Variants in SAMD3 observed in about 807,000 individuals in gnomAD.
SAMD3 encodes the protein sterile alpha motif domain-containing protein 3.
SAMD3 carries 63 observed loss-of-function variants against 58.5 expected under a neutral mutation model. That is an observed-to-expected ratio of 1.08 (90% CI 0.88 to 1.33). The LOEUF is 1.33. Among genes scored for constraint, SAMD3 ranks in the 40% most tolerant of loss-of-function variants. The probability of loss-of-function intolerance (pLI) is 0.00; values close to 1 mark genes in which losing one functional copy is unlikely to be tolerated. For missense variants in SAMD3, 604 were observed against 608.4 expected, an observed-to-expected ratio of 0.99 and a Z score of 0.08; for synonymous variants, 220 against 210.3, an observed-to-expected ratio of 1.05 and a Z score of -0.40.
At chr6:130,338,445 T>A (rs898277266) in intron 1 of SAMD3, among the ~76,000 whole-genome samples, 4 of 152,150 alleles carry the variant, frequency 2.6e-5, no homozygotes, top group Non-Finnish European at 5.9e-5. Flanking sequence ...CACTGCCTAG[T>A]GGAGCTGTGA....
intron 2 of SAMD3, among the ~76,000 whole-genome samples, chr6:130,236,940 T>A (rs928106682): frequency 6.6e-6 from 1 of 152,186 alleles, no homozygotes; most frequent in African/African-American, 2.4e-5. Flanking sequence ...GATTCAGCCA[T>A]TTGCATTTCA....
At chr6:130,187,110 T>G (rs1190569088) in intron 5 of SAMD3, among the ~76,000 whole-genome samples, 1 of 152,084 alleles carries the variant, frequency 6.6e-6, no homozygotes, top group Non-Finnish European at 1.5e-5. Context: ...TTGGCAGGTG[T>G]TAAGCTGGTT....
At chr6:130,146,218 CAAGAA>C (rs1378493350) in intron 9 of SAMD3, 37 bp from the exon 10 acceptor site, 1 of 1,341,700 alleles carries the variant, frequency 7.5e-7, no homozygotes, top group African/African-American at 1.5e-5. Flanking sequence ...CATCAGATCA[CAAGAA>C]AAGCTAATAT....
At chr6:130,174,038 G>T (rs937008171) in intron 8 of SAMD3, among the ~76,000 whole-genome samples, 1 of 152,176 alleles carries the variant, frequency 6.6e-6, no homozygotes, top group Admixed American at 6.5e-5. Context: ...CACCAAGCTC[G>T]ATCATCCCAG....
intron 2 of SAMD3, among the ~76,000 whole-genome samples, chr6:130,248,609 C>T (rs1457289874): frequency 6.6e-6 from 1 of 152,140 alleles, no homozygotes; most frequent in East Asian, 1.9e-4. Context: ...TGTCCATCCC[C>T]TAGGTCCTTG....
intron 1 of SAMD3, among the ~76,000 whole-genome samples, chr6:130,314,443 G>A (rs1776290590): frequency 6.6e-6 from 1 of 152,126 alleles, no homozygotes; most frequent in Admixed American, 6.6e-5. Flanking sequence ...ATTACAGGTT[G>A]CCATTTTACC....
At chr6:130,350,452 T>A (rs1015341689) in intron 1 of SAMD3, among the ~76,000 whole-genome samples, 1 of 152,122 alleles carries the variant, frequency 6.6e-6, no homozygotes, top group African/African-American at 2.4e-5. Context: ...AGCCAAATCA[T>A]GAGTGAACTC....
chr6:130,317,095 T>C (rs1309926696), intron 1 of SAMD3, among the ~76,000 whole-genome samples: 1 of 152,184 alleles, frequency 6.6e-6, no homozygotes, highest in Non-Finnish European at 1.5e-5. Flanking sequence ...AATTTGGATG[T>C]ACTAGTAGGC....
chr6:130,338,691 T>C (rs1777175703), intron 1 of SAMD3, among the ~76,000 whole-genome samples: 1 of 152,210 alleles, frequency 6.6e-6, no homozygotes, highest in Non-Finnish European at 1.5e-5. Flanking sequence ...CTTTAAGATT[T>C]AATGACTGCC....
At chr6:130,314,682 A>G (rs1195392344) in intron 1 of SAMD3, among the ~76,000 whole-genome samples, 1 of 152,234 alleles carries the variant, frequency 6.6e-6, no homozygotes, top group East Asian at 1.9e-4. Context: ...ACAAAATGAT[A>G]GGTGGAAATT....
intron 2 of SAMD3, among the ~76,000 whole-genome samples, chr6:130,238,116 T>G (rs1163337951): frequency 6.6e-6 from 1 of 152,164 alleles, no homozygotes; most frequent in African/African-American, 2.4e-5. Flanking sequence ...GTTCAAAGTA[T>G]TCCAAAGTCA....
upstream of SAMD3, among the ~76,000 whole-genome samples, chr6:130,224,123 C>T (rs760409269): frequency 1.3e-5 from 2 of 149,046 alleles, no homozygotes; most frequent in East Asian, 1.9e-4. Flanking sequence ...CTCCTCCAAC[C>T]ACCCCCAGGC....
intron 2 of SAMD3, among the ~76,000 whole-genome samples, chr6:130,282,030 G>A (rs1255137038): frequency 6.6e-6 from 1 of 152,160 alleles, no homozygotes; most frequent in East Asian, 1.9e-4. Context: ...TGCCTCTGTA[G>A]TAAATTCTTC....
At chr6:130,301,662 A>G (rs1282634308) in intron 2 of SAMD3, among the ~76,000 whole-genome samples, 1 of 152,218 alleles carries the variant, frequency 6.6e-6, no homozygotes, top group Admixed American at 6.5e-5. Context: ...TGGAGGCATC[A>G]CGTTGCCTGA....
intron 2 of SAMD3, among the ~76,000 whole-genome samples, chr6:130,301,145 A>G (rs4469323): frequency 0.17 from 25,644 of 152,096 alleles, 2,419 homozygotes; most frequent in East Asian, 0.36. Flanking sequence ...CAAAGGACAC[A>G]AACTCATTCT....
At chr6:130,347,399 A>G (rs1777489835) in intron 1 of SAMD3, among the ~76,000 whole-genome samples, 1 of 152,258 alleles carries the variant, frequency 6.6e-6, no homozygotes, top group Admixed American at 6.5e-5. Context: ...GATGGAGCTG[A>G]AAACAATGGC....
intron 1 of SAMD3, among the ~76,000 whole-genome samples, chr6:130,220,849 G>A (rs1796189461): frequency 6.6e-6 from 1 of 152,046 alleles, no homozygotes; most frequent in Non-Finnish European, 1.5e-5. Context: ...TCATATGGAA[G>A]TACTGAAAAT....
intron 2 of SAMD3, among the ~76,000 whole-genome samples, chr6:130,270,996 T>TG (rs1554269251): frequency 6.6e-6 from 1 of 150,734 alleles, no homozygotes; most frequent in Non-Finnish European, 1.5e-5. Flanking sequence ...TTGTTTTTTT[T>TG]GTTTTTTTTT....
Position 130,215,248 on chromosome 6 carries a change from A to T in SAMD3, c.26T>A (p.Val9Asp). The stretch of plus-strand genomic sequence containing the variant: ...ATTTTTCTCCACCAACCAACTGCAG[A>T]CCTGCTCAACTGACCAGGTTTCCAT... METWSVEQ[V>D]CSWLVEKNLG... The change falls in exon 3 of 12, where the codon GTC (valine) becomes GAC (aspartate). Residue 9 changes from valine (V) to aspartate (D), a missense_variant. Physicochemically the swap from Val to Asp is radical, Grantham distance 152 (BLOSUM62 -3). Transcript: ENST00000439090. The T allele has an allele frequency of 6.2e-7, 1 of 1,611,194 alleles. No homozygotes were observed. The highest frequency in any genetic ancestry group is 8.5e-7 in the Non-Finnish European group (1 of 1,178,054).
Sources: gnomAD v4.1 joint callset for allele counts (sites outside exome capture counted in the v4.1 genomes callset) on GRCh38, gnomAD v4.1.1 for gene constraint, MANE v1.5 for transcripts, NCBI Gene and HGNC (gene_info 2026-07-23, HGNC 2026-07-21) for gene names.